The following HCRTR2 variants were observed in gnomAD, a reference collection of about 807,000 sequenced individuals.
HCRTR2 encodes hypocretin receptor 2.
A neutral mutation model predicts 49.0 loss-of-function variants in HCRTR2; 22 were observed. The observed-to-expected ratio is 0.45, with a 90% CI of 0.32 to 0.64. HCRTR2 has a LOEUF of 0.64. HCRTR2 is among the 30% of genes least tolerant of loss of function. The probability of loss-of-function intolerance (pLI) is 0.04; values close to 1 mark genes in which losing one functional copy is unlikely to be tolerated. For missense variants in HCRTR2, 491 were observed against 559.4 expected (o/e 0.88, Z 1.23); for synonymous variants, 236 against 205.3 (o/e 1.15, Z -1.28).
At chr6:55,158,354 G>A (rs1385293357) in intron 1 of HCRTR2, among the ~76,000 whole-genome samples, 1 of 152,164 alleles carries the variant, frequency 6.6e-6, no homozygotes, top group Non-Finnish European at 1.5e-5. Context: ...CAGGGCCTTG[G>A]GTTTCAAGTA....
At chr6:55,248,018 G>C (rs1766478868) in intron 1 of HCRTR2, among the ~76,000 whole-genome samples, 1 of 152,182 alleles carries the variant, frequency 6.6e-6, no homozygotes, top group East Asian at 1.9e-4. Flanking sequence ...GACAAGTTTT[G>C]TGAGTTAATT....
intron 1 of HCRTR2, among the ~76,000 whole-genome samples, chr6:55,238,921 C>G (rs747003820): frequency 3.9e-5 from 6 of 152,074 alleles, no homozygotes; most frequent in Admixed American, 6.6e-5. Flanking sequence ...TGGGGAGGAT[C>G]GGATTGGTTG....
intron 1 of HCRTR2, among the ~76,000 whole-genome samples, chr6:55,226,531 G>A (rs1766007697): frequency 6.6e-6 from 1 of 151,680 alleles, no homozygotes; most frequent in Non-Finnish European, 1.5e-5. Context: ...GTGGTCTCGA[G>A]CTCCTAACCT....
At chr6:55,184,474 T>C (rs1338062903) in intron 1 of HCRTR2, among the ~76,000 whole-genome samples, 1 of 152,218 alleles carries the variant, frequency 6.6e-6, no homozygotes, top group Non-Finnish European at 1.5e-5. Context: ...TGAGATCTAA[T>C]AAACAATTTT....
chr6:55,213,505 A>G (rs2127292902), intron 1 of HCRTR2, among the ~76,000 whole-genome samples: 1 of 152,206 alleles, frequency 6.6e-6, no homozygotes, highest in Admixed American at 6.5e-5. Context: ...ACAAATGGAA[A>G]AAATTTACTT....
intron 1 of HCRTR2, among the ~76,000 whole-genome samples, chr6:55,120,755 G>C (rs950716424): frequency 6.6e-6 from 1 of 151,938 alleles, no homozygotes; most frequent in African/African-American, 2.4e-5. Flanking sequence ...GCTTTCTCTT[G>C]TCTGATTGGC....
chr6:55,258,213 T>A (rs537124192), intron 3 of HCRTR2, among the ~76,000 whole-genome samples: 1 of 152,134 alleles, frequency 6.6e-6, no homozygotes, highest in Non-Finnish European at 1.5e-5. Flanking sequence ...TTGTAAAATA[T>A]CTTCTATTTG....
intron 1 of HCRTR2, among the ~76,000 whole-genome samples, chr6:55,113,055 C>T (rs1764071386): frequency 6.6e-6 from 1 of 151,972 alleles, no homozygotes; most frequent in Non-Finnish European, 1.5e-5. Flanking sequence ...AGGAATGGTG[C>T]TAGGATAACT....
upstream of HCRTR2, chr6:55,174,454 C>T (rs1764998591): frequency 1.2e-6 from 1 of 804,910 alleles, no homozygotes; most frequent in Admixed American, 1.9e-5. Context: ...GGCTCAGTAA[C>T]TTTTCACGTC....
In HCRTR2 at chr6:55,156,314, C is replaced by T. The variant is rs1399760776; in HGVS notation, c.-377-17897C>T. ...TCCTAGCACTCACACCAATTCTTCT[C>T]ATAATCTAATAAATACTGAAATTTA... On this transcript the variant is annotated intron_variant, in intron 1 of 7. Coordinates refer to the HCRTR2 transcript ENST00000615358. Among the ~76,000 whole-genome samples, 4 of 151,892 alleles carry T rather than the reference C, an allele frequency of 2.6e-5. No individual in the cohort carries two copies. In the South Asian group the frequency reaches 6.2e-4, roughly 24 times the overall value.
intron 1 of HCRTR2, among the ~76,000 whole-genome samples, chr6:55,130,420 A>T (rs542208686): frequency 6.8e-6 from 1 of 147,936 alleles, no homozygotes; most frequent in South Asian, 2.1e-4. Context: ...TTCATTCTTT[A>T]AAAGTAATCC....
At chr6:55,193,523 G>GT (rs1765357040) in intron 1 of HCRTR2, among the ~76,000 whole-genome samples, 2 of 150,518 alleles carry the variant, frequency 1.3e-5, no homozygotes, top group Admixed American at 1.3e-4. Flanking sequence ...GGATTTGAGG[G>GT]TTTTTTGTTT....
chr6:55,198,916 T>A (rs1765463407), intron 1 of HCRTR2, among the ~76,000 whole-genome samples: 2 of 152,190 alleles, frequency 1.3e-5, no homozygotes, highest in African/African-American at 4.8e-5. Flanking sequence ...TGTGGCAAGA[T>A]GAAATGGCCT....
At chr6:55,109,322 A>C (rs12191770) in intron 1 of HCRTR2, among the ~76,000 whole-genome samples, 57,056 of 151,986 alleles carry the variant, frequency 0.38, 11,076 homozygotes, top group Middle Eastern at 0.44. Context: ...TTCTTTAACA[A>C]CCCCAGAAGA....
intron 2 of HCRTR2, among the ~76,000 whole-genome samples, chr6:55,254,049 A>G (rs946669573): frequency 3.7e-4 from 56 of 152,246 alleles, no homozygotes; most frequent in African/African-American, 1.3e-3. Flanking sequence ...AAAACAAAAT[A>G]TTTCTTAAAT....
intron 1 of HCRTR2, among the ~76,000 whole-genome samples, chr6:55,240,228 G>A (rs565009875): frequency 1.3e-5 from 2 of 151,554 alleles, no homozygotes; most frequent in South Asian, 4.2e-4. Context: ...CGCGGTGGCG[G>A]GCGCCTGTAG....
intron 1 of HCRTR2, among the ~76,000 whole-genome samples, chr6:55,143,049 T>TTATA (rs1388003043): frequency 6.6e-6 from 1 of 151,454 alleles, no homozygotes; most frequent in Non-Finnish European, 1.5e-5. Flanking sequence ...ATGTGAAACA[T>TTATA]TATATATAAA....
chr6:55,114,311 G>A (rs1764088738), intron 1 of HCRTR2, among the ~76,000 whole-genome samples: 2 of 149,194 alleles, frequency 1.3e-5, no homozygotes, highest in South Asian at 2.1e-4. Flanking sequence ...AAAAAAAAGT[G>A]ATAAACTTGT....
At chr6:55,118,275 C>T (rs1018495226) in intron 1 of HCRTR2, among the ~76,000 whole-genome samples, 2 of 151,934 alleles carry the variant, frequency 1.3e-5, no homozygotes, top group Non-Finnish European at 2.9e-5. Context: ...TGTATATGCA[C>T]CACATTTTTT....
Sources: gnomAD v4.1 joint callset for allele counts (sites outside exome capture counted in the v4.1 genomes callset) on GRCh38, gnomAD v4.1.1 for gene constraint, MANE v1.5 for transcripts, NCBI Gene and HGNC (gene_info 2026-07-23, HGNC 2026-07-21) for gene names.